EYA2: variants seen among roughly 807,000 people sequenced by gnomAD.
EYA2 encodes EYA transcriptional coactivator and phosphatase 2, also known as protein phosphatase EYA2.
EYA2 carries 31 observed loss-of-function variants against 69.2 expected under a neutral mutation model. That is an observed-to-expected ratio of 0.45 (90% CI 0.34 to 0.60). EYA2 has a LOEUF of 0.60. Ranked by LOEUF, EYA2 falls within the 20% of genes least tolerant of loss-of-function variation. The pLI is 0.02. For missense variants in EYA2, 622 were observed against 701.2 expected (o/e 0.89, Z 1.28); for synonymous variants, 257 against 279.4 (o/e 0.92, Z 0.80).
intron 5 of EYA2, among the ~76,000 whole-genome samples, chr20:47,049,428 G>C (rs2030208143): frequency 6.6e-6 from 1 of 152,206 alleles, no homozygotes. Context: ...GGTGGGGCCT[G>C]GTGGGAGGTG....
chr20:47,186,097 A>C (rs6122564), intron 15 of EYA2, among the ~76,000 whole-genome samples: 85,649 of 151,942 alleles, frequency 0.56, 25,995 homozygotes, highest in African/African-American at 0.81. Context: ...AGACACACAA[A>C]GCTGCTTTCT....
intron 5 of EYA2, among the ~76,000 whole-genome samples, chr20:47,032,990 G>T (rs974236446): frequency 6.6e-6 from 1 of 152,068 alleles, no homozygotes; most frequent in Non-Finnish European, 1.5e-5. Context: ...TCCAATTCCC[G>T]CAGCAGGCCT....
chr20:46,906,479 C>T (rs1394405867), intron 1 of EYA2, among the ~76,000 whole-genome samples: 2 of 152,068 alleles, frequency 1.3e-5, no homozygotes, highest in African/African-American at 2.4e-5. Flanking sequence ...CATCAGTGTC[C>T]GGGCACATCT....
At chr20:47,154,033 G>A (rs2146617927) in intron 10 of EYA2, among the ~76,000 whole-genome samples, 1 of 152,102 alleles carries the variant, frequency 6.6e-6, no homozygotes, top group Non-Finnish European at 1.5e-5. Flanking sequence ...TGCTCAGTCT[G>A]TCCTAATAAA....
chr20:46,927,117 C>T (rs1233265827), intron 1 of EYA2, among the ~76,000 whole-genome samples: 9 of 152,156 alleles, frequency 5.9e-5, no homozygotes, highest in African/African-American at 1.4e-4. Context: ...TCGTGCTGGG[C>T]GTGTCTGCCC....
At chr20:46,922,002 A>G (rs1985200010) in intron 1 of EYA2, among the ~76,000 whole-genome samples, 1 of 152,268 alleles carries the variant, frequency 6.6e-6, no homozygotes, top group South Asian at 2.1e-4. Context: ...CATAGCAATC[A>G]GACTCATGTC....
intron 5 of EYA2, among the ~76,000 whole-genome samples, chr20:47,051,749 G>A (rs2030340698): frequency 6.6e-6 from 1 of 152,164 alleles, no homozygotes; most frequent in African/African-American, 2.4e-5. Context: ...ACAGAGGCAG[G>A]GATTTCATCA....
intron 2 of EYA2, among the ~76,000 whole-genome samples, chr20:46,992,225 C>G (rs889250024): frequency 6.6e-6 from 1 of 152,198 alleles, no homozygotes; most frequent in Non-Finnish European, 1.5e-5. Flanking sequence ...CAGCATTGCT[C>G]TATTAACTCA....
In EYA2 at chr20:47,145,880, G is replaced by A. The variant is rs147923547; in HGVS notation, c.978+2732G>A. Among the ~76,000 whole-genome samples, 144 of 151,330 alleles carry A rather than the reference G, an allele frequency of 9.5e-4. 1 individual carries two copies. In the East Asian group the frequency reaches 0.024, roughly 25 times the overall value. ...CAAGCCACTGTATTCCAGCCTGGGC[G>A]ACAGATTGAAACTCCATCTTAAAAA... On this transcript the variant is annotated intron_variant, in intron 10 of 15. Transcript: ENST00000327619.
chr20:47,022,255 T>C (rs1371174797), intron 5 of EYA2, among the ~76,000 whole-genome samples: 1 of 152,206 alleles, frequency 6.6e-6, no homozygotes, highest in East Asian at 1.9e-4. Context: ...ATGAACGTTC[T>C]TTGAATTTCT....
At chr20:47,185,047 G>T (rs1423110920) in intron 15 of EYA2, among the ~76,000 whole-genome samples, 1 of 152,118 alleles carries the variant, frequency 6.6e-6, no homozygotes, top group Non-Finnish European at 1.5e-5. Context: ...ATTAGCCCAG[G>T]CCACCGGAAA....
intron 1 of EYA2, among the ~76,000 whole-genome samples, chr20:46,943,053 T>A (rs1206742): frequency 0.57 from 87,074 of 152,122 alleles, 25,253 homozygotes; most frequent in African/African-American, 0.63. Context: ...GGCGTGAGCC[T>A]GCGCTCCCGG....
chr20:47,180,313 G>A lies in EYA2; in HGVS notation c.1313+401G>A, dbSNP rs2281368. Among the ~76,000 whole-genome samples the A allele has an allele frequency of 0.018, 2,760 of 152,244 alleles. 122 individuals carry two copies. In the East Asian group the frequency reaches 0.18, roughly 10 times the overall value. On this transcript the variant is annotated intron_variant, in intron 13 of 15. Coordinates refer to ENST00000327619, the MANE Select transcript of EYA2 (RefSeq NM_005244.5). ...CCCAAAGTACTGGGATTGCAGGTGTGAGCCACCACTCCCAGCCCAAATATT... is the reference window on the plus strand; with the variant it reads ...CCCAAAGTACTGGGATTGCAGGTGTAAGCCACCACTCCCAGCCCAAATATT...
intron 7 of EYA2, among the ~76,000 whole-genome samples, chr20:47,082,004 T>C (rs2031739013): frequency 6.6e-6 from 1 of 151,680 alleles, no homozygotes; most frequent in Non-Finnish European, 1.5e-5. Flanking sequence ...CATGCCCGGC[T>C]AATTTTTGTG....
intron 5 of EYA2, among the ~76,000 whole-genome samples, chr20:47,040,666 A>G (rs1010015863): frequency 2.6e-5 from 4 of 152,224 alleles, no homozygotes; most frequent in Non-Finnish European, 5.9e-5. Flanking sequence ...AATCACAGCC[A>G]CACAACAGGT....
chr20:47,057,058 G>A (rs1162440889), intron 5 of EYA2, among the ~76,000 whole-genome samples: 1 of 129,334 alleles, frequency 7.7e-6, no homozygotes, highest in Non-Finnish European at 1.6e-5. Context: ...GAAAGAAAGG[G>A]AGAAAGAAGG....
At chr20:47,040,958 G>A (rs1331743921) in intron 5 of EYA2, among the ~76,000 whole-genome samples, 8 of 152,164 alleles carry the variant, frequency 5.3e-5, no homozygotes, top group Non-Finnish European at 7.3e-5. Context: ...CACAGAACAC[G>A]TGAGGCTCCA....
intron 5 of EYA2, among the ~76,000 whole-genome samples, chr20:47,042,297 G>A (rs754631289): frequency 6.6e-5 from 10 of 152,154 alleles, no homozygotes; most frequent in South Asian, 2.1e-4. Context: ...GACCCAAGCC[G>A]TCTAACTCCA....
chr20:47,180,565 C>A (rs1484733484), intron 13 of EYA2, among the ~76,000 whole-genome samples: 1 of 152,198 alleles, frequency 6.6e-6, no homozygotes, highest in African/African-American at 2.4e-5. Context: ...AAGTGTATGG[C>A]CCTTGCAATA....
Sources: allele counts gnomAD v4.1 joint callset (sites outside exome capture counted in the v4.1 genomes callset), GRCh38; gene constraint gnomAD v4.1.1; transcripts MANE v1.5; gene names NCBI Gene and HGNC (gene_info 2026-07-23, HGNC 2026-07-21).